The following LYPLAL1 variants were observed in gnomAD, a reference collection of about 807,000 sequenced individuals.
The protein encoded by LYPLAL1 is lysophospholipase like 1, also known as lysophospholipase-like protein 1.
Under a neutral mutation model 19.7 loss-of-function variants are expected in LYPLAL1, and 23 were observed. That is an observed-to-expected ratio of 1.17 (90% CI 0.84 to 1.65). LYPLAL1 has a LOEUF of 1.65. LYPLAL1 is among the 40% of genes most tolerant of loss of function. The pLI, the probability that LYPLAL1 is intolerant of heterozygous loss-of-function variation, is 0.00. For missense variants in LYPLAL1, 355 were observed against 279.4 expected, an observed-to-expected ratio of 1.27 and a Z score of -1.93; for synonymous variants, 119 against 96.3, an observed-to-expected ratio of 1.24 and a Z score of -1.38.
chr1:219,313,002 T>C, the LYPLAL1 span, among the ~76,000 whole-genome samples: 2 of 152,240 alleles, frequency 1.3e-5, no homozygotes, highest in Non-Finnish European at 2.9e-5. Context: ...CTTTTTCTGT[T>C]TAGTATTATA....
chr1:219,437,620 T>C, the LYPLAL1 span, among the ~76,000 whole-genome samples: 1 of 152,164 alleles, frequency 6.6e-6, no homozygotes, highest in African/African-American at 2.4e-5. Context: ...TCAGTAGATA[T>C]TAAATATATA....
the LYPLAL1 span, among the ~76,000 whole-genome samples, chr1:219,255,343 A>T: frequency 6.6e-6 from 1 of 151,834 alleles, no homozygotes; most frequent in African/African-American, 2.4e-5. Context: ...CATTATATTA[A>T]TTCAGAAATG....
chr1:219,240,197 C>A, the LYPLAL1 span, among the ~76,000 whole-genome samples: 1 of 151,934 alleles, frequency 6.6e-6, no homozygotes, highest in Non-Finnish European at 1.5e-5. Context: ...TTGTCCTGGA[C>A]CTAAGAATGG....
At chr1:219,402,482 C>A in the LYPLAL1 span, among the ~76,000 whole-genome samples, 1 of 151,916 alleles carries the variant, frequency 6.6e-6, no homozygotes, top group African/African-American at 2.4e-5. Flanking sequence ...GCATTCACAT[C>A]AAAAGGAACA....
the LYPLAL1 span, among the ~76,000 whole-genome samples, chr1:219,335,606 A>T: frequency 2.6e-4 from 39 of 151,212 alleles, no homozygotes; most frequent in East Asian, 2.9e-3. Flanking sequence ...AAAATTTTTT[A>T]AAAAACTGCA....
chr1:219,344,076 T>C, the LYPLAL1 span, among the ~76,000 whole-genome samples: 1 of 152,114 alleles, frequency 6.6e-6, no homozygotes, highest in Admixed American at 6.6e-5. Context: ...CCTGAGAAAA[T>C]CTTTTCTGAG....
the LYPLAL1 span, among the ~76,000 whole-genome samples, chr1:219,292,265 G>A: frequency 6.6e-6 from 1 of 152,124 alleles, no homozygotes; most frequent in Non-Finnish European, 1.5e-5. Context: ...CTCGAATTTG[G>A]TTCCCAGCCA....
chr1:219,190,157 TC>T (rs1416151230), intron 2 of LYPLAL1, among the ~76,000 whole-genome samples: 2 of 151,512 alleles, frequency 1.3e-5, no homozygotes, highest in Admixed American at 1.3e-4. Flanking sequence ...GAGTGACTGT[TC>T]CCCCGCCCAC....
At chr1:219,343,861 C>T in the LYPLAL1 span, among the ~76,000 whole-genome samples, 1 of 125,628 alleles carries the variant, frequency 8.0e-6, no homozygotes, top group Non-Finnish European at 1.7e-5. Context: ...CACTATCCAA[C>T]CATTCCTTTT....
the LYPLAL1 span, among the ~76,000 whole-genome samples, chr1:219,400,017 G>T: frequency 6.6e-6 from 1 of 152,144 alleles, no homozygotes; most frequent in Non-Finnish European, 1.5e-5. Flanking sequence ...GTCTCTTCCT[G>T]CAGGGATTCC....
At chr1:219,206,805 G>C (rs1172355418) in intron 3 of LYPLAL1, among the ~76,000 whole-genome samples, 1 of 150,946 alleles carries the variant, frequency 6.6e-6, no homozygotes, top group Non-Finnish European at 1.5e-5. Context: ...CAAAAATGAA[G>C]TGTTTGTCAC....
chr1:219,332,684 ATTTC>A, the LYPLAL1 span, among the ~76,000 whole-genome samples: 4 of 151,576 alleles, frequency 2.6e-5, no homozygotes, highest in African/African-American at 9.7e-5. Context: ...GAGAAGACTT[ATTTC>A]TTATTACTGC....
At chr1:219,254,438 A>G in the LYPLAL1 span, among the ~76,000 whole-genome samples, 2 of 151,982 alleles carry the variant, frequency 1.3e-5, no homozygotes, top group Non-Finnish European at 2.9e-5. Context: ...GTCCATATTT[A>G]GGACTCCTTT....
the LYPLAL1 span, among the ~76,000 whole-genome samples, chr1:219,357,292 G>A: frequency 1.1e-4 from 17 of 152,060 alleles, no homozygotes; most frequent in Admixed American, 1.0e-3. Context: ...TAAGACAAAC[G>A]TTGTACTTCA....
At chr1:219,248,666 G>T in the LYPLAL1 span, among the ~76,000 whole-genome samples, 1 of 152,100 alleles carries the variant, frequency 6.6e-6, no homozygotes, top group African/African-American at 2.4e-5. Flanking sequence ...TATTTGCACA[G>T]AGACTGCATT....
chr1:219,434,286 T>G, the LYPLAL1 span, among the ~76,000 whole-genome samples: 1 of 152,234 alleles, frequency 6.6e-6, no homozygotes, highest in Admixed American at 6.5e-5. Context: ...GCAGAATTAT[T>G]AGAGTGAACA....
the LYPLAL1 span, among the ~76,000 whole-genome samples, chr1:219,263,907 C>T: frequency 6.6e-6 from 1 of 152,114 alleles, no homozygotes. Context: ...AGTGGCCAGC[C>T]ACTTCTTCCG....
At chr1:219,354,581 A>G in the LYPLAL1 span, among the ~76,000 whole-genome samples, 2 of 152,202 alleles carry the variant, frequency 1.3e-5, no homozygotes, top group African/African-American at 4.8e-5. Flanking sequence ...AGCAAACAAC[A>G]CCAAGGCACA....
the LYPLAL1 span, among the ~76,000 whole-genome samples, chr1:219,426,787 C>T: frequency 2.0e-5 from 3 of 152,070 alleles, no homozygotes; most frequent in East Asian, 1.9e-4. Flanking sequence ...TTAGTAGAGA[C>T]GGGTTTTTGC....
Sources: gnomAD v4.1 joint callset for allele counts (sites outside exome capture counted in the v4.1 genomes callset) on GRCh38, gnomAD v4.1.1 for gene constraint, MANE v1.5 for transcripts, NCBI Gene and HGNC (gene_info 2026-07-23, HGNC 2026-07-21) for gene names.